The following ISOC2 variants were observed in gnomAD, a reference collection of about 807,000 sequenced individuals.
ISOC2 encodes isochorismatase domain-containing protein 2.
In ISOC2, 15 loss-of-function variants were observed where a neutral mutation model predicts 19.3. The observed-to-expected ratio is 0.78, with a 90% CI of 0.52 to 1.20. ISOC2 has a LOEUF of 1.20. Among genes scored for constraint, ISOC2 ranks in the 50% most tolerant of loss-of-function variants. The probability of loss-of-function intolerance (pLI) is 0.00; values close to 1 mark genes in which losing one functional copy is unlikely to be tolerated. For missense variants in ISOC2, 285 were observed against 272.4 expected (o/e 1.05, Z -0.33); for synonymous variants, 106 against 115.8 (o/e 0.92, Z 0.54).
chr19:55,455,954 G>T (rs1367049143), intron 2 of ISOC2, 109 bp from the exon 3 acceptor site: 1 of 896,858 alleles, frequency 1.1e-6, no homozygotes, highest in Non-Finnish European at 1.7e-6. Context: ...GGGTCTGAGG[G>T]AGGAGGGGCT....
intron 1 of ISOC2, 140 bp downstream of exon 1, chr19:55,461,372 C>T (rs565215941): frequency 6.6e-6 from 1 of 152,450 alleles, no homozygotes; most frequent in South Asian, 2.1e-4. Flanking sequence ...TCTGGCCAGC[C>T]AATTCTGGCG....
intron 2 of ISOC2, chr19:55,456,059 G>C (rs911039565): frequency 3.3e-6 from 2 of 598,428 alleles, no homozygotes; most frequent in Non-Finnish European, 5.9e-6. Context: ...CTGCGTCTGA[G>C]GGAAGAGGAA....
intron 1 of ISOC2, among the ~76,000 whole-genome samples, chr19:55,459,317 T>C (rs1881322562): frequency 6.6e-6 from 1 of 152,170 alleles, no homozygotes; most frequent in Non-Finnish European, 1.5e-5. Flanking sequence ...AACGAATAAA[T>C]GGTTAAAATG....
rs781091140 is a variant in ISOC2 at position 55,455,663 on chromosome 19, A to G, written c.321T>C (p.Cys107=). The G allele has an allele frequency of 1.4e-5, 23 of 1,602,384 alleles. No individual in the cohort carries two copies. Among genetic ancestry groups the G allele is most frequent in the Non-Finnish European group, 2.0e-5 (23 of 1,172,256 alleles). ...AGATGCAGGCCTGTGCCTCAATGCC[A>G]CAGAGCAGCACAGAGCGCAGCTGGG... is the stretch of plus-strand genomic sequence containing the variant. ...SRPQLRSVLL[C]GIEAQACILN... Residue 107 remains cysteine (C), a synonymous_variant, in exon 3 of 6, where the codon TGT becomes TGC. Coordinates refer to ENST00000425675, the MANE Select transcript of ISOC2 (RefSeq NM_001136201.2).
intron 1 of ISOC2, among the ~76,000 whole-genome samples, chr19:55,458,555 G>A (rs1447475776): frequency 1.3e-5 from 2 of 150,718 alleles, no homozygotes; most frequent in East Asian, 3.9e-4. Flanking sequence ...TTGAGATGGA[G>A]TCTTGCTCTG....
chr19:55,460,125 G>A (rs1379122370), intron 1 of ISOC2: 1 of 152,192 alleles, frequency 6.6e-6, no homozygotes, highest in African/African-American at 2.4e-5. Flanking sequence ...CAGAGCAAAG[G>A]AGCAGAAGTT....
chr19:55,455,237 C>T, intron 4 of ISOC2, 23 bp downstream of exon 4: 1 of 1,595,880 alleles, frequency 6.3e-7, no homozygotes, highest in East Asian at 2.3e-5. Context: ...CACGTGCACC[C>T]ACCCAGGCAG....
chr19:55,454,985 T>C lies in ISOC2; in HGVS notation c.537+4A>G, dbSNP rs989684836. 7 of 1,607,688 alleles carry C rather than the reference T, an allele frequency of 4.4e-6. No individual in the cohort carries two copies. In the African/African-American group the frequency reaches 9.3e-5, roughly 21 times the overall value. ...GGAGGTGGGGGCGGCCAGGCGGGCA[T>C]TACCTCCTTGAACTGGGGGTGGACG... On this transcript the variant is annotated splice_donor_region_variant and intron_variant, in intron 5 of 5. Transcript: ENST00000425675.
intron 1 of ISOC2, among the ~76,000 whole-genome samples, chr19:55,458,651 C>T (rs1230036116): frequency 1.3e-5 from 2 of 151,902 alleles, no homozygotes; most frequent in Non-Finnish European, 2.9e-5. Context: ...CCTCAGTCTC[C>T]CAAGTAGCTG....
rs1473376446 is a variant in ISOC2, at chr19:55,456,389, T to G, written c.98A>C (p.Tyr33Ser). 3 of 1,613,418 alleles carry G rather than the reference T, an allele frequency of 1.9e-6. No homozygotes were observed. The African/African-American group carries it at 4.0e-5, about 22-fold the overall frequency. Residue 33 changes from tyrosine to serine, a missense_variant, in exon 2 of 6, where the codon TAC becomes TCC. Coordinates refer to ENST00000425675, the MANE Select transcript of ISOC2 (RefSeq NM_001136201.2). ...AGCCACTGAGACGATCTGTGGGAAG[T>G]AGGCGATGTTGTGGCGGAACTTCTC... ...MQEKFRHNIA[Y>S]FPQIVSVAAR... is the part of the protein sequence containing the mutation.
intron 1 of ISOC2, among the ~76,000 whole-genome samples, chr19:55,460,499 G>C (rs542826221): frequency 6.6e-6 from 1 of 152,154 alleles, no homozygotes; most frequent in South Asian, 2.1e-4. Flanking sequence ...AAGTTGTCTA[G>C]TCAATACTAT....
Position 55,455,669 on chromosome 19 carries a change from C to G in ISOC2, c.315G>C (p.Leu105=), listed in dbSNP as rs770251571. ...LDSRPQLRSV[L]LCGIEAQACI... The stretch of plus-strand genomic sequence containing the variant: ...AGGCCTGTGCCTCAATGCCACAGAG[C>G]AGCACAGAGCGCAGCTGGGGCCGAC... The change falls in exon 3 of 6, where the codon CTG becomes CTC. Residue 105 remains leucine (L), a synonymous_variant. Transcript: ENST00000425675. 1.2e-6 allele frequency: 2 copies of G among 1,609,464 alleles called. No homozygotes were observed.
chr19:55,455,629 A>G lies in ISOC2; in HGVS notation c.348+7T>C, dbSNP rs115890727. On this transcript the variant is annotated splice_region_variant and intron_variant, in intron 3 of 5. Coordinates refer to ENST00000425675, the MANE Select transcript of ISOC2 (RefSeq NM_001136201.2). Reference sequence around the variant, plus strand: ...CGAGGGACCCCTGGGGTCAGTCAGCATCTCACCAAGATGCAGGCCTGTGCC... The same window carrying G: ...CGAGGGACCCCTGGGGTCAGTCAGCGTCTCACCAAGATGCAGGCCTGTGCC... 7.2e-4 allele frequency: 1,141 copies of G among 1,579,618 alleles called. 10 individuals carry two copies. In the African/African-American group the frequency reaches 0.014, roughly 19 times the overall value.
intron 1 of ISOC2, among the ~76,000 whole-genome samples, chr19:55,458,778 A>G (rs1472020565): frequency 6.6e-6 from 1 of 151,738 alleles, no homozygotes; most frequent in East Asian, 1.9e-4. Flanking sequence ...CACCCGCCTC[A>G]GTCTCCCAAA....
chr19:55,459,310 G>A (rs907373002), intron 1 of ISOC2, among the ~76,000 whole-genome samples: 3 of 152,092 alleles, frequency 2.0e-5, no homozygotes, highest in East Asian at 3.8e-4. Context: ...GTTTAAAAAC[G>A]AATAAATGGT....
At chr19:55,456,086 G>T in intron 2 of ISOC2, 1 of 596,988 alleles carries the variant, frequency 1.7e-6, no homozygotes, top group South Asian at 2.0e-5. Flanking sequence ...CTGGATCCCT[G>T]GGTCTGAAGG....
rs780055574 is a variant in ISOC2 at position 55,455,828 on chromosome 19, C to T, written c.156G>A (p.Glu52=). The T allele has an allele frequency of 1.9e-6, 3 of 1,542,764 alleles. No individual in the cohort carries two copies. Among genetic ancestry groups the T allele is most frequent in the Non-Finnish European group, 2.6e-6 (3 of 1,141,190 alleles). ...ACTGCTCCGTCAGCATGACTGGCAC[C>T]TCAAGCAGCCGGGCCACCTGTGCCA... ...ARMLKVARLL[E]VPVMLTEQYP... Residue 52 remains glutamate, a synonymous_variant, in exon 3 of 6, where the codon GAG becomes GAA. Coordinates refer to ENST00000425675, the MANE Select transcript of ISOC2 (RefSeq NM_001136201.2).
chr19:55,459,393 A>C (rs1222517935), intron 1 of ISOC2, among the ~76,000 whole-genome samples: 2 of 152,208 alleles, frequency 1.3e-5, no homozygotes, highest in Non-Finnish European at 2.9e-5. Context: ...CCTCTGAAAC[A>C]AAACCACAGT....
chr19:55,459,533 T>G (rs1986169312), intron 1 of ISOC2, among the ~76,000 whole-genome samples: 1 of 152,076 alleles, frequency 6.6e-6, no homozygotes. Context: ...AACACAAAGC[T>G]ATTACTCCCC....
Sources: allele counts gnomAD v4.1 joint callset (sites outside exome capture counted in the v4.1 genomes callset), GRCh38; gene constraint gnomAD v4.1.1; transcripts MANE v1.5; gene names NCBI Gene and HGNC (gene_info 2026-07-23, HGNC 2026-07-21).